Variants in FAM171A1 observed in about 807,000 individuals in gnomAD.
FAM171A1 encodes the protein family with sequence similarity 171 member A1.
Under a neutral mutation model 74.9 loss-of-function variants are expected in FAM171A1, and 23 were observed. The observed-to-expected ratio is 0.31, with a 90% CI of 0.22 to 0.44. FAM171A1 has a LOEUF of 0.44. Among genes scored for constraint, FAM171A1 ranks in the 20% least tolerant of loss-of-function variants. The probability of loss-of-function intolerance (pLI) is 1.00; values close to 1 mark genes in which losing one functional copy is unlikely to be tolerated. For synonymous variants in FAM171A1, 527 were observed against 505.7 expected, an observed-to-expected ratio of 1.04 and a Z score of -0.57; for missense variants, 1,162 against 1,159.2, an observed-to-expected ratio of 1.00 and a Z score of -0.03.
intron 1 of FAM171A1, among the ~76,000 whole-genome samples, chr10:15,321,323 A>C (rs1835484341): frequency 6.6e-6 from 1 of 152,176 alleles, no homozygotes; most frequent in African/African-American, 2.4e-5. Flanking sequence ...ATTTATGTTC[A>C]GGGGTCTTGA....
intron 1 of FAM171A1, among the ~76,000 whole-genome samples, chr10:15,323,096 C>T (rs931258455): frequency 2.7e-5 from 4 of 149,740 alleles, no homozygotes; most frequent in African/African-American, 9.9e-5. Context: ...GCTGACATCA[C>T]ACCGCTGCAC....
chr10:15,358,689 A>G (rs1835960167), intron 1 of FAM171A1, among the ~76,000 whole-genome samples: 1 of 152,192 alleles, frequency 6.6e-6, no homozygotes, highest in Non-Finnish European at 1.5e-5. Context: ...CCCATGCAGT[A>G]TCAAGTACCA....
intron 2 of FAM171A1, among the ~76,000 whole-genome samples, chr10:15,277,954 T>C (rs1367238423): frequency 6.6e-6 from 1 of 151,774 alleles, no homozygotes; most frequent in East Asian, 2.0e-4. Context: ...TGGGGTTTCG[T>C]CACATTGGCC....
At chr10:15,286,295 G>A (rs150444934) in intron 1 of FAM171A1, among the ~76,000 whole-genome samples, 1,851 of 152,224 alleles carry the variant, frequency 0.012, 44 homozygotes, top group African/African-American at 0.042. Flanking sequence ...TTGTTTGTTT[G>A]TTTAGATGGA....
chr10:15,276,682 G>C (rs1834899230), intron 2 of FAM171A1, among the ~76,000 whole-genome samples: 1 of 151,982 alleles, frequency 6.6e-6, no homozygotes, highest in Non-Finnish European at 1.5e-5. Flanking sequence ...TAGAAATTGT[G>C]CTTTTCATTT....
At chr10:15,267,332 C>A (rs1197541142) in intron 3 of FAM171A1, among the ~76,000 whole-genome samples, 8 of 151,862 alleles carry the variant, frequency 5.3e-5, no homozygotes, top group Non-Finnish European at 7.4e-5. Context: ...AGGCCAGGTG[C>A]GGTGGCTCAT....
chr10:15,328,757 G>C (rs1406591049), intron 1 of FAM171A1, among the ~76,000 whole-genome samples: 1 of 152,100 alleles, frequency 6.6e-6, no homozygotes, highest in Non-Finnish European at 1.5e-5. Context: ...ACACAGCCCA[G>C]GCCCTGGCAA....
At chr10:15,257,775 G>A (rs1419730518) in intron 3 of FAM171A1, among the ~76,000 whole-genome samples, 1 of 152,198 alleles carries the variant, frequency 6.6e-6, no homozygotes, top group African/African-American at 2.4e-5. Context: ...AGCAGCACGT[G>A]AGGAATTTAA....
At chr10:15,224,216 G>A (rs533353973) in intron 5 of FAM171A1, among the ~76,000 whole-genome samples, 3 of 152,170 alleles carry the variant, frequency 2.0e-5, no homozygotes, top group Non-Finnish European at 4.4e-5. Flanking sequence ...CCAGGAGAAA[G>A]AGAAGGAGGA....
intron 3 of FAM171A1, among the ~76,000 whole-genome samples, chr10:15,257,051 T>G (rs540071266): frequency 7.2e-5 from 11 of 152,330 alleles, no homozygotes; most frequent in Non-Finnish European, 1.2e-4. Context: ...CAAGCCCCTG[T>G]GTAGAAGCCT....
At chr10:15,326,729 G>A (rs1395964902) in intron 1 of FAM171A1, among the ~76,000 whole-genome samples, 5 of 152,042 alleles carry the variant, frequency 3.3e-5, no homozygotes, top group South Asian at 2.1e-4. Flanking sequence ...CCAGGTTCAA[G>A]CGATTCTGCT....
At chr10:15,326,418 G>A (rs749455711) in intron 1 of FAM171A1, among the ~76,000 whole-genome samples, 1 of 151,980 alleles carries the variant, frequency 6.6e-6, no homozygotes, top group Non-Finnish European at 1.5e-5. Flanking sequence ...GGGTTCAAGC[G>A]ATTCTCCTGT....
chr10:15,263,113 G>A (rs991113426), intron 3 of FAM171A1, among the ~76,000 whole-genome samples: 1 of 152,204 alleles, frequency 6.6e-6, no homozygotes, highest in African/African-American at 2.4e-5. Flanking sequence ...ACTGACCTGG[G>A]TGGTGCCAGT....
intron 2 of FAM171A1, among the ~76,000 whole-genome samples, chr10:15,281,485 C>A (rs1378646532): frequency 1.3e-5 from 2 of 152,202 alleles, no homozygotes; most frequent in East Asian, 3.8e-4. Flanking sequence ...CAGGGGTGGG[C>A]AGGCCTGGGA....
chr10:15,264,348 C>A (rs7073054), intron 3 of FAM171A1, among the ~76,000 whole-genome samples: 3 of 151,810 alleles, frequency 2.0e-5, no homozygotes, highest in Non-Finnish European at 4.4e-5. Flanking sequence ...ACTTTTAAAA[C>A]GCAACAAAAC....
intron 5 of FAM171A1, among the ~76,000 whole-genome samples, chr10:15,228,336 ATTTTTTTT>A (rs71390021): frequency 8.1e-6 from 1 of 123,962 alleles, no homozygotes; most frequent in Admixed American, 8.7e-5. Context: ...AAGTGGGAGT[ATTTTTTTT>A]TTTTTTTTTT....
intron 1 of FAM171A1, among the ~76,000 whole-genome samples, chr10:15,311,914 G>A (rs1206500587): frequency 6.6e-6 from 1 of 152,214 alleles, no homozygotes; most frequent in Non-Finnish European, 1.5e-5. Context: ...CAGTGAAACT[G>A]AAGGCCTCAT....
chr10:15,265,249 G>A (rs985943519), intron 3 of FAM171A1, among the ~76,000 whole-genome samples: 1 of 151,844 alleles, frequency 6.6e-6, no homozygotes, highest in African/African-American at 2.4e-5. Context: ...ACTCGTGTGT[G>A]TGCGTGTGTG....
intron 1 of FAM171A1, among the ~76,000 whole-genome samples, chr10:15,287,743 T>C (rs1248218848): frequency 6.6e-6 from 1 of 152,184 alleles, no homozygotes; most frequent in African/African-American, 2.4e-5. Context: ...TAGTATACTA[T>C]TCCTCTTATA....
Sources: gnomAD v4.1 joint callset for allele counts (sites outside exome capture counted in the v4.1 genomes callset) on GRCh38, gnomAD v4.1.1 for gene constraint, MANE v1.5 for transcripts, NCBI Gene and HGNC (gene_info 2026-07-23, HGNC 2026-07-21) for gene names.